GALNT11: variants seen among roughly 807,000 people sequenced by gnomAD.
The protein encoded by GALNT11 is UDP-GalNAc:polypeptide N-acetylgalactosaminyltransferase 11.
GALNT11 carries 47 observed loss-of-function variants against 72.7 expected under a neutral mutation model. That is an observed-to-expected ratio of 0.65 (90% confidence interval 0.51 to 0.82). The LOEUF is 0.82. Among genes scored for constraint, GALNT11 ranks in the 40% least tolerant of loss-of-function variants. The pLI, the probability that GALNT11 is intolerant of heterozygous loss-of-function variation, is 0.00. For missense variants in GALNT11, 677 were observed against 778.4 expected, an observed-to-expected ratio of 0.87 and a Z score of 1.55; for synonymous variants, 270 against 286.6, an observed-to-expected ratio of 0.94 and a Z score of 0.58.
chr7:152,106,579 T>C (rs1489237474), intron 5 of GALNT11, among the ~76,000 whole-genome samples: 2 of 152,244 alleles, frequency 1.3e-5, no homozygotes, highest in Non-Finnish European at 2.9e-5. Context: ...TGTGGAGTTA[T>C]TTAAGGCAAA....
intron 1 of GALNT11, among the ~76,000 whole-genome samples, chr7:152,050,816 A>G (rs1013516980): frequency 5.3e-5 from 8 of 152,176 alleles, no homozygotes; most frequent in African/African-American, 1.7e-4. Context: ...AGGATGGGCA[A>G]TTCCCCTCTG....
intron 1 of GALNT11, among the ~76,000 whole-genome samples, chr7:152,091,937 G>A (rs534217896): frequency 1.3e-5 from 2 of 152,332 alleles, no homozygotes; most frequent in Non-Finnish European, 2.9e-5. Flanking sequence ...TTCAGGGTCT[G>A]TTTTGGATGG....
At chr7:152,095,200 TA>T (rs556762874) in intron 2 of GALNT11, among the ~76,000 whole-genome samples, 111 of 152,270 alleles carry the variant, frequency 7.3e-4, no homozygotes, top group African/African-American at 2.5e-3. Context: ...TTTTTCCTCC[TA>T]AAAAATTATA....
intron 8 of GALNT11, chr7:152,116,767 A>C (rs2088902143): frequency 2.7e-6 from 1 of 365,472 alleles, no homozygotes; most frequent in African/African-American, 2.1e-5. Context: ...GCCAGCCAGC[A>C]AAAAGGTTTG....
intron 2 of GALNT11, among the ~76,000 whole-genome samples, chr7:152,096,255 A>T (rs1372492797): frequency 6.6e-6 from 1 of 152,214 alleles, no homozygotes; most frequent in Non-Finnish European, 1.5e-5. Flanking sequence ...TCTTTGTTGT[A>T]AAGAGGGAAA....
intron 1 of GALNT11, among the ~76,000 whole-genome samples, chr7:152,040,769 C>A (rs986821310): frequency 6.6e-5 from 10 of 152,230 alleles, no homozygotes; most frequent in Non-Finnish European, 1.2e-4. Flanking sequence ...ACCTCAATTA[C>A]AGCTACGAGC....
intron 1 of GALNT11, among the ~76,000 whole-genome samples, chr7:152,079,116 C>T (rs2085165120): frequency 6.6e-6 from 1 of 152,222 alleles, no homozygotes; most frequent in Non-Finnish European, 1.5e-5. Flanking sequence ...TGTATAACAG[C>T]TGGACACAGT....
intron 4 of GALNT11, 181 bp downstream of exon 4, chr7:152,103,459 ACTAT>A: frequency 1.8e-6 from 1 of 556,844 alleles, no homozygotes; most frequent in Non-Finnish European, 2.9e-6. Context: ...CTGCTTATAA[ACTAT>A]GCTACCCAAA....
intron 1 of GALNT11, among the ~76,000 whole-genome samples, chr7:152,046,091 A>G (rs982837026): frequency 8.5e-5 from 13 of 152,148 alleles, no homozygotes; most frequent in African/African-American, 2.7e-4. Flanking sequence ...ATGTGTTTGT[A>G]TAGTTTCCCA....
chr7:152,101,041 A>G, intron 3 of GALNT11, 120 bp downstream of exon 3: 2 of 1,311,604 alleles, frequency 1.5e-6, no homozygotes, highest in Non-Finnish European at 2.1e-6. Flanking sequence ...TCAGCATACT[A>G]GGAAACTTGA....
chr7:152,068,012 C>T (rs1346561679), intron 1 of GALNT11, among the ~76,000 whole-genome samples: 1 of 152,068 alleles, frequency 6.6e-6, no homozygotes, highest in African/African-American at 2.4e-5. Context: ...CAAGAACTCC[C>T]TGTCAGCAAG....
At chr7:152,055,087 T>C (rs1180663143) in intron 1 of GALNT11, among the ~76,000 whole-genome samples, 2 of 152,132 alleles carry the variant, frequency 1.3e-5, no homozygotes, top group Non-Finnish European at 2.9e-5. Flanking sequence ...CAGAATTCCA[T>C]TGGTATGTGT....
intron 1 of GALNT11, among the ~76,000 whole-genome samples, chr7:152,036,310 G>C (rs1229643699): frequency 1.3e-5 from 2 of 151,944 alleles, no homozygotes; most frequent in Non-Finnish European, 2.9e-5. Context: ...TTAATTTTTA[G>C]CTTCCACAAA....
In GALNT11 at chr7:152,118,697, A is replaced by G. The variant is rs1351815557; in HGVS notation, c.1472A>G (p.Asn491Ser). ...TTACAGCTCTATCACCTCCAGACCA[A>G]CAAATGCCTGGTGGCCCAGGGCCGC... The part of the protein sequence containing the change: ...QRGRLYHLQT[N>S]KCLVAQGRPS... Residue 491 changes from asparagine to serine, a missense_variant, in exon 10 of 12, where the codon AAC becomes AGC. Physicochemically the swap from Asn to Ser is conservative, Grantham distance 46. Transcript: ENST00000430044. 1.2e-6 allele frequency: 2 copies of G among 1,610,422 alleles called. No individual in the cohort carries two copies. The highest frequency in any genetic ancestry group is 2.2e-5 in the South Asian group (2 of 90,396).
intron 3 of GALNT11, 130 bp from the exon 4 acceptor site, chr7:152,102,981 CA>C (rs11358024): frequency 0.21 from 121,421 of 589,294 alleles, 1,284 homozygotes; most frequent in African/African-American, 0.34. Flanking sequence ...GACTCCGTCT[CA>C]AAAAAAAAAA....
In GALNT11 at chr7:152,117,247, AAATCAT is replaced by A; in HGVS notation, c.1325_1330del (p.Lys442_Phe444delinsIle). On this transcript the variant is annotated inframe_deletion, in exon 9 of 12. Coordinates refer to ENST00000430044, the MANE Select transcript of GALNT11 (RefSeq NM_022087.4). The stretch of plus-strand genomic sequence containing the variant: ...GGAACTGAGAAAGAAGTTGGGCTGT[AAATCAT>A]TTAAATGGTATTTGGATAATGTATA... 6.2e-7 allele frequency: 1 copy of A among 1,614,194 alleles called. No individual in the cohort carries two copies. Among genetic ancestry groups the A allele is most frequent in the Non-Finnish European group, 8.5e-7 (1 of 1,180,032 alleles).
chr7:152,072,647 C>CT (rs200316401), intron 1 of GALNT11, among the ~76,000 whole-genome samples: 8,128 of 152,266 alleles, frequency 0.053, 739 homozygotes, highest in African/African-American at 0.19. Flanking sequence ...AATATTATTA[C>CT]TTTGTAAATC....
At position 152,100,892 on chromosome 7, in the gene GALNT11, C is replaced by T. The variant is rs199513189; in HGVS notation, c.390C>T (p.His130=). The part of the protein sequence containing the change: ...NMLISDRLGY[H]RDVPDTRNAA... ...TTATCAGTGACCGCTTGGGCTACCA[C>T]AGAGATGTGCCAGACACAAGGAATG... is the stretch of plus-strand genomic sequence containing the variant. Residue 130 remains histidine, a synonymous_variant, in exon 3 of 12, where the codon CAC becomes CAT. Transcript: ENST00000430044. 1 of 1,614,036 alleles carries T rather than the reference C, an allele frequency of 6.2e-7. No individual in the cohort carries two copies. Among genetic ancestry groups the T allele is most frequent in the Non-Finnish European group, 8.5e-7 (1 of 1,179,960 alleles).
chr7:152,089,972 C>CG (rs1023006042), intron 1 of GALNT11, among the ~76,000 whole-genome samples: 3 of 152,134 alleles, frequency 2.0e-5, no homozygotes, highest in Non-Finnish European at 4.4e-5. Context: ...ACATGACTCC[C>CG]GAGCAGTAAG....
Sources: gnomAD v4.1 joint callset for allele counts (sites outside exome capture counted in the v4.1 genomes callset) on GRCh38, gnomAD v4.1.1 for gene constraint, MANE v1.5 for transcripts, NCBI Gene and HGNC (gene_info 2026-07-23, HGNC 2026-07-21) for gene names.